RNF217: variants seen among roughly 807,000 people sequenced by gnomAD.
The protein encoded by RNF217 is ring finger protein 217, also known as E3 ubiquitin-protein ligase RNF217.
A neutral mutation model predicts 57.8 loss-of-function variants in RNF217; 31 were observed. The ratio of observed to expected loss-of-function variants is 0.54; its 90% CI spans 0.40 to 0.72. The LOEUF is 0.72. Among genes scored for constraint, RNF217 ranks in the 30% least tolerant of loss-of-function variants. RNF217 has a pLI of 0.00. For missense variants in RNF217, 696 were observed against 708.3 expected (o/e 0.98, Z 0.20); for synonymous variants, 313 against 294.0 (o/e 1.06, Z -0.66).
chr6:125,048,993 T>C (rs1787204904), intron 2 of RNF217, among the ~76,000 whole-genome samples: 1 of 152,060 alleles, frequency 6.6e-6, no homozygotes, highest in Non-Finnish European at 1.5e-5. Context: ...CACTTTTTCA[T>C]CCATAGTATT....
chr6:124,991,435 A>AT (rs1426533352), intron 1 of RNF217, among the ~76,000 whole-genome samples: 2 of 151,928 alleles, frequency 1.3e-5, no homozygotes, highest in Non-Finnish European at 2.9e-5. Context: ...ACCAACCCTC[A>AT]TCCCCCCCAT....
chr6:124,969,402 A>G (rs1783675339), intron 1 of RNF217, among the ~76,000 whole-genome samples: 1 of 152,166 alleles, frequency 6.6e-6, no homozygotes, highest in African/African-American at 2.4e-5. Context: ...GTTTTACATT[A>G]TAAGCAAAAT....
intron 1 of RNF217, among the ~76,000 whole-genome samples, chr6:125,036,334 C>T (rs1027313740): frequency 3.3e-5 from 5 of 152,118 alleles, no homozygotes; most frequent in Non-Finnish European, 5.9e-5. Flanking sequence ...CATTGATGGG[C>T]ATTTGGGTTG....
At chr6:125,019,835 G>A (rs562996360) in intron 1 of RNF217, among the ~76,000 whole-genome samples, 4 of 150,382 alleles carry the variant, frequency 2.7e-5, no homozygotes, top group East Asian at 2.0e-4. Context: ...TTTTGCAGTG[G>A]GGGGGGAGTG....
rs112185219 is a variant in RNF217 at position 125,016,179 on chromosome 6, A to G, written c.883-29032A>G. Among the ~76,000 whole-genome samples, 438 of 152,328 alleles carry G rather than the reference A, an allele frequency of 2.9e-3. 5 individuals are homozygous for G. Among genetic ancestry groups the G allele is most frequent in the African/African-American group, 9.9e-3 (413 of 41,584 alleles). ...CAAACGTAACAACTTAATAACTGCT[A>G]GAGGCATATGGTTCTTTCATTATTC... On this transcript the variant is annotated intron_variant, in intron 1 of 5. Transcript: ENST00000521654.
At chr6:124,973,606 G>C (rs1012414113) in intron 1 of RNF217, among the ~76,000 whole-genome samples, 23 of 152,152 alleles carry the variant, frequency 1.5e-4, no homozygotes, top group Non-Finnish European at 2.8e-4. Context: ...TATTTGAATC[G>C]GAACTTTTGA....
intron 2 of RNF217, 21 bp downstream of exon 2, chr6:125,045,465 T>C: frequency 2.5e-6 from 4 of 1,586,846 alleles, no homozygotes; most frequent in Non-Finnish European, 3.5e-6. Flanking sequence ...TCACCAGAGC[T>C]GTGGGTTAGA....
chr6:125,043,281 A>G (rs996319070), intron 1 of RNF217, among the ~76,000 whole-genome samples: 1 of 151,968 alleles, frequency 6.6e-6, no homozygotes. Context: ...CCTTTGCCCA[A>G]GTTGTCTCTT....
intron 1 of RNF217, among the ~76,000 whole-genome samples, chr6:125,010,039 A>G (rs1785359701): frequency 7.0e-6 from 1 of 143,028 alleles, no homozygotes; most frequent in South Asian, 2.2e-4. Flanking sequence ...CAGACAGCAG[A>G]TTTGGCTTCC....
chr6:125,017,089 C>T (rs1055024438), intron 1 of RNF217, among the ~76,000 whole-genome samples: 8 of 152,064 alleles, frequency 5.3e-5, no homozygotes, highest in Middle Eastern at 3.2e-3. Context: ...TGCAGTAAAT[C>T]GTAGCTGTGA....
At chr6:124,999,664 A>C (rs1266305996) in intron 1 of RNF217, among the ~76,000 whole-genome samples, 1 of 152,184 alleles carries the variant, frequency 6.6e-6, no homozygotes, top group Admixed American at 6.5e-5. Context: ...TCTGTGGATC[A>C]AATAAAATGA....
chr6:124,978,423 G>A (rs1784044610), intron 1 of RNF217, among the ~76,000 whole-genome samples: 2 of 151,130 alleles, frequency 1.3e-5, no homozygotes, highest in Non-Finnish European at 2.9e-5. Context: ...TCCACCTTGG[G>A]TGCCAGCAAC....
At chr6:125,013,287 G>A (rs915761277) in intron 1 of RNF217, among the ~76,000 whole-genome samples, 1 of 151,544 alleles carries the variant, frequency 6.6e-6, no homozygotes, top group Non-Finnish European at 1.5e-5. Context: ...GAAAAACAAA[G>A]CTAACATAAG....
intron 4 of RNF217, among the ~76,000 whole-genome samples, chr6:125,077,228 T>C (rs479063): frequency 0.03 from 4,505 of 152,172 alleles, 213 homozygotes; most frequent in African/African-American, 0.1. Context: ...CACTCATTCA[T>C]GGAGGACCTG....
chr6:125,021,803 T>G (rs989113666), intron 1 of RNF217, among the ~76,000 whole-genome samples: 2 of 152,128 alleles, frequency 1.3e-5, no homozygotes, highest in African/African-American at 4.8e-5. Context: ...ACTGAAAAAT[T>G]GACTAGGAAG....
At chr6:125,039,244 T>A (rs1786777204) in intron 1 of RNF217, among the ~76,000 whole-genome samples, 1 of 152,014 alleles carries the variant, frequency 6.6e-6, no homozygotes, top group Admixed American at 6.6e-5. Flanking sequence ...TTTTCTTTTT[T>A]AAAAAAATTT....
intron 1 of RNF217, among the ~76,000 whole-genome samples, chr6:125,002,528 C>A (rs1340590165): frequency 6.6e-6 from 1 of 152,152 alleles, no homozygotes; most frequent in Non-Finnish European, 1.5e-5. Flanking sequence ...TTACTTCCAA[C>A]CTGAATACCT....
In RNF217 at chr6:125,090,317, T is replaced by C. The variant is rs1453286407; in HGVS notation, c.*7380T>C. The C allele has an allele frequency of 6.6e-6, 1 of 152,050 alleles. No homozygotes were observed. Among genetic ancestry groups the C allele is most frequent in the Non-Finnish European group, 1.5e-5 (1 of 67,936 alleles). 9.4% of individuals were successfully genotyped at this position (152,050 alleles called of 1,614,324 possible). ...GAGAGATGACAGAAATGATTTTCTG[T>C]AGAAGGAACACAACAGTGATGTTAA... On this transcript the variant is annotated 3_prime_UTR_variant, in exon 6 of 6. Coordinates refer to ENST00000521654, the MANE Select transcript of RNF217 (RefSeq NM_001286398.3).
At chr6:125,053,143 C>G (rs1229957407) in intron 2 of RNF217, among the ~76,000 whole-genome samples, 1 of 152,094 alleles carries the variant, frequency 6.6e-6, no homozygotes, top group Non-Finnish European at 1.5e-5. Context: ...GCCACATTCT[C>G]TCTGAACGCT....
Sources: gnomAD v4.1 joint callset for allele counts (sites outside exome capture counted in the v4.1 genomes callset) on GRCh38, gnomAD v4.1.1 for gene constraint, MANE v1.5 for transcripts, NCBI Gene and HGNC (gene_info 2026-07-23, HGNC 2026-07-21) for gene names.